The following RAD52 variants were observed in gnomAD, a reference collection of about 807,000 sequenced individuals.
RAD52 encodes the protein RAD52 DNA repair protein.
Under a neutral mutation model 55.5 loss-of-function variants are expected in RAD52, and 47 were observed. The observed-to-expected ratio is 0.85, with a 90% CI of 0.67 to 1.08. RAD52 has a LOEUF of 1.08. RAD52 is among the 50% of genes least tolerant of loss of function. The pLI is 0.00. For synonymous variants in RAD52, 184 were observed against 198.9 expected, an observed-to-expected ratio of 0.92 and a Z score of 0.63; for missense variants, 468 against 522.8, an observed-to-expected ratio of 0.90 and a Z score of 1.02.
At chr12:958,007 G>A (rs1958632066) in intron 1 of RAD52, among the ~76,000 whole-genome samples, 1 of 152,214 alleles carries the variant, frequency 6.6e-6, no homozygotes. Flanking sequence ...TTGACTGGGG[G>A]CTGCAGGATC....
intron 1 of RAD52, among the ~76,000 whole-genome samples, chr12:977,903 T>A (rs1242553610): frequency 1.0e-5 from 1 of 99,760 alleles, no homozygotes; most frequent in Non-Finnish European, 2.2e-5. Flanking sequence ...TTTAAGCCCT[T>A]GAGCAAAGAA....
chr12:962,435 G>C (rs1958700148), intron 1 of RAD52, among the ~76,000 whole-genome samples: 1 of 151,232 alleles, frequency 6.6e-6, no homozygotes, highest in Non-Finnish European at 1.5e-5. Context: ...CCGCTCCCAG[G>C]TTCACACCAT....
At chr12:962,632 C>T (rs1958703723) in intron 1 of RAD52, among the ~76,000 whole-genome samples, 1 of 152,100 alleles carries the variant, frequency 6.6e-6, no homozygotes, top group East Asian at 1.9e-4. Context: ...CAGGCGTGAG[C>T]CACTGCACCT....
At chr12:965,749 G>A (rs1028577385) in intron 1 of RAD52, among the ~76,000 whole-genome samples, 2 of 151,688 alleles carry the variant, frequency 1.3e-5, no homozygotes, top group Admixed American at 6.6e-5. Flanking sequence ...GCACTGTCTC[G>A]ATCTCAGAAC....
intron 1 of RAD52, among the ~76,000 whole-genome samples, chr12:981,510 A>G (rs961647635): frequency 1.3e-5 from 2 of 152,162 alleles, no homozygotes; most frequent in African/African-American, 4.8e-5. Context: ...TAGTGGGACA[A>G]GCATAGAACA....
At chr12:923,296 T>C (rs1336179199) in intron 7 of RAD52, among the ~76,000 whole-genome samples, 2 of 151,586 alleles carry the variant, frequency 1.3e-5, no homozygotes, top group African/African-American at 4.8e-5. Context: ...TCCCAGCGCT[T>C]TGGGAGGCCG....
rs1264310747 is a variant in RAD52, at chr12:913,136, A to G, written c.*255T>C. 4 of 408,466 alleles carry G rather than the reference A, an allele frequency of 9.8e-6. No homozygotes were observed. Among genetic ancestry groups the G allele is most frequent in the Non-Finnish European group, 1.7e-5 (4 of 231,380 alleles). 25.3% of individuals were successfully genotyped at this position (408,466 alleles called of 1,614,324 possible). ...TAATAGTTCAGTAATAAATAGTGGG[A>G]AGCCTCACAAGCCGAAGAAAAGGTA... On this transcript the variant is annotated 3_prime_UTR_variant, in exon 12 of 12. Coordinates refer to ENST00000358495, the MANE Select transcript of RAD52 (RefSeq NM_134424.4).
At chr12:956,608 G>A (rs1024312276) in intron 1 of RAD52, among the ~76,000 whole-genome samples, 1 of 152,130 alleles carries the variant, frequency 6.6e-6, no homozygotes, top group Non-Finnish European at 1.5e-5. Flanking sequence ...GTGCAGTGGT[G>A]TGATATTGGC....
chr12:976,514 A>G (rs1342135148), intron 1 of RAD52: 1 of 152,164 alleles, frequency 6.6e-6, no homozygotes, highest in Non-Finnish European at 1.5e-5. Context: ...GCCATGCTGA[A>G]GAGGCCATTT....
At chr12:922,221 C>T (rs963673053) in intron 7 of RAD52, among the ~76,000 whole-genome samples, 7 of 75,338 alleles carry the variant, frequency 9.3e-5, no homozygotes, top group African/African-American at 3.7e-4. Flanking sequence ...AAACCAAAAA[C>T]TCAGAAAATA....
intron 1 of RAD52, among the ~76,000 whole-genome samples, chr12:959,005 C>A (rs1256201196): frequency 6.6e-6 from 1 of 152,194 alleles, no homozygotes; most frequent in Non-Finnish European, 1.5e-5. Context: ...AGCTGTACTA[C>A]TGATCCAGGC....
Position 911,986 on chromosome 12 carries a change from T to C in RAD52, c.*1405A>G. 5.1e-6 allele frequency: 1 copy of C among 197,236 alleles called. No homozygotes were observed. The highest frequency in any genetic ancestry group is 1.0e-5 in the Non-Finnish European group (1 of 95,340). 12.2% of individuals were successfully genotyped at this position (197,236 alleles called of 1,614,324 possible). On this transcript the variant is annotated 3_prime_UTR_variant, in exon 12 of 12. Coordinates refer to ENST00000358495, the MANE Select transcript of RAD52 (RefSeq NM_134424.4). ...CTGCAATGAGTCAAGATGGCACCGC[T>C]GCACTCCAGCCTGCGCTACAGAGCC...
chr12:916,320 GC>G, intron 9 of RAD52, 23 bp downstream of exon 9: 2 of 1,602,000 alleles, frequency 1.2e-6, no homozygotes, highest in Non-Finnish European at 1.7e-6. Context: ...GCCTCCCAGG[GC>G]CCTGCTCCCA....
chr12:929,511 G>A (rs956129562), intron 5 of RAD52, among the ~76,000 whole-genome samples: 1 of 152,192 alleles, frequency 6.6e-6, no homozygotes, highest in Non-Finnish European at 1.5e-5. Context: ...ACTTATCAGT[G>A]ATGGTAAAAT....
chr12:922,191 T>TAAAAAAAAAAAAAAAAAA (rs79763100), intron 7 of RAD52, among the ~76,000 whole-genome samples: 1 of 81,694 alleles, frequency 1.2e-5, no homozygotes, highest in Non-Finnish European at 2.2e-5. Flanking sequence ...TAGGTTGGCT[T>TAAAAAAAAAAAAAAAAAA]AAAAAAAAAA....
At position 914,103 on chromosome 12, in the gene RAD52, G is replaced by C; in HGVS notation, c.986C>G (p.Ser329Cys). ...QELIKTLEDN[S>C]EKWAVTPDAG... ...ATCGGGAGTCACAGCCCACTTTTCA[G>C]AGTTGTCTTCAAGAGTCTCTACAGA... is the stretch of plus-strand genomic sequence containing the variant. The change falls in exon 11 of 12, where the codon TCT becomes TGT. Residue 329 changes from serine to cysteine, a missense_variant. By Grantham distance (112) the Ser-to-Cys change is moderately radical. Coordinates refer to ENST00000358495, the MANE Select transcript of RAD52 (RefSeq NM_134424.4). 6.2e-7 allele frequency: 1 copy of C among 1,614,132 alleles called. No homozygotes were observed. The highest frequency in any genetic ancestry group is 1.6e-4 in the Middle Eastern group (1 of 6,062).
chr12:969,312 C>T (rs764395946), intron 1 of RAD52, among the ~76,000 whole-genome samples: 1 of 151,946 alleles, frequency 6.6e-6, no homozygotes, highest in African/African-American at 2.4e-5. Context: ...TTAACATTCT[C>T]ACAATGAGAA....
rs60090525 is a variant in RAD52 at position 912,722 on chromosome 12, CAAAAAA to C, written c.*663_*668del. On this transcript the variant is annotated 3_prime_UTR_variant, in exon 12 of 12. Coordinates refer to ENST00000358495, the MANE Select transcript of RAD52 (RefSeq NM_134424.4). ...AGGGCAACACAGCCAGACCCCGTCT[CAAAAAA>C]AAAAAAAAAAAAAAAAACAAAAAAC... 155 of 73,164 alleles carry C rather than the reference CAAAAAA, an allele frequency of 2.1e-3. No individual in the cohort carries two copies. Among genetic ancestry groups the C allele is most frequent in the East Asian group, 0.017 (45 of 2,594 alleles). The allele number at this position is 73,164 out of a possible 1,614,324, so 4.5% of individuals were successfully genotyped here.
intron 1 of RAD52, among the ~76,000 whole-genome samples, chr12:965,883 C>CACT (rs1958756837): frequency 3.3e-5 from 5 of 152,074 alleles, no homozygotes; most frequent in Non-Finnish European, 7.4e-5. Flanking sequence ...GACAGGGTTT[C>CACT]GCCTGTTGGC....
Sources: allele counts gnomAD v4.1 joint callset (sites outside exome capture counted in the v4.1 genomes callset), GRCh38; gene constraint gnomAD v4.1.1; transcripts MANE v1.5; gene names NCBI Gene and HGNC (gene_info 2026-07-23, HGNC 2026-07-21).